SPTBN5: variants seen among roughly 807,000 people sequenced by gnomAD.
The protein encoded by SPTBN5 is spectrin beta, non-erythrocytic 5, also known as spectrin beta chain, non-erythrocytic 5.
SPTBN5 carries 513 observed loss-of-function variants against 477.6 expected under a neutral mutation model. The ratio of observed to expected loss-of-function variants is 1.07; its 90% CI spans 1.00 to 1.16. The LOEUF (loss-of-function observed/expected upper bound fraction) is 1.16. Ranked by LOEUF, SPTBN5 falls within the 50% of genes most tolerant of loss-of-function variation. SPTBN5 has a pLI of 0.00. For synonymous variants in SPTBN5, 2,169 were observed against 2,011.7 expected (o/e 1.08, Z -2.09); for missense variants, 5,062 against 4,731.8 (o/e 1.07, Z -2.05).
In SPTBN5 at chr15:41,853,407, C is replaced by T. The variant is rs1291126241; in HGVS notation, c.10021G>A (p.Glu3341Lys). Residue 3341 changes from glutamate (E) to lysine (K), a missense_variant, in exon 59 of 68, where the codon GAG (glutamate) becomes AAG (lysine). By Grantham distance (56) the Glu-to-Lys change is moderately conservative. Transcript: ENST00000320955. ...GCCCCCGCCACGTCCTCAGCCAGCTCCTCGGAGGACGCCAGCTCCTGCCTC... is the reference window on the plus strand; with the variant it reads ...GCCCCCGCCACGTCCTCAGCCAGCTTCTCGGAGGACGCCAGCTCCTGCCTC... ...QERQELASSE[E>K]LAEDVAGAEQ... is the part of the protein sequence containing the mutation. The T allele has an allele frequency of 1.2e-6, 2 of 1,600,904 alleles. No homozygotes were observed. Among genetic ancestry groups the T allele is most frequent in the African/African-American group, 2.7e-5 (2 of 74,738 alleles).
intron 47 of SPTBN5, among the ~76,000 whole-genome samples, chr15:41,859,981 G>A (rs544135280): frequency 2.0e-5 from 3 of 152,304 alleles, no homozygotes; most frequent in Admixed American, 1.3e-4. Flanking sequence ...AAAGTCTGAG[G>A]AGCTGCATGA....
At chr15:41,883,795 T>A (rs2067059544) in intron 7 of SPTBN5, among the ~76,000 whole-genome samples, 1 of 134,720 alleles carries the variant, frequency 7.4e-6, no homozygotes, top group Non-Finnish European at 1.5e-5. Context: ...ACTAAAATCT[T>A]TTTTTTTTTC....
intron 21 of SPTBN5, 128 bp from the exon 22 acceptor site, chr15:41,875,750 G>T: frequency 3.0e-6 from 3 of 994,292 alleles, no homozygotes; most frequent in Non-Finnish European, 4.3e-6. Flanking sequence ...GGGCTGCCTG[G>T]AAGAAAGCAG....
chr15:41,875,499 G>A lies in SPTBN5; in HGVS notation c.4246C>T (p.Gln1416Ter), dbSNP rs750946001. The A allele has an allele frequency of 1.2e-6, 2 of 1,612,634 alleles. No individual in the cohort carries two copies. Among genetic ancestry groups the A allele is most frequent in the Admixed American group, 1.7e-5 (1 of 59,884 alleles). Residue 1416 changes from glutamine (Q) to a stop codon, truncating the protein, a stop_gained, in exon 22 of 68, where the codon CAG (glutamine) becomes TAG (stop). Coordinates refer to ENST00000320955, the MANE Select transcript of SPTBN5 (RefSeq NM_016642.4). LOFTEE classifies it high-confidence loss of function. ...AGTTGCTCCTGCTGTCCAGCCTGCTGGAGCTCGTCCCCACGCTCAGTCATC... is the reference window on the plus strand; with the variant it reads ...AGTTGCTCCTGCTGTCCAGCCTGCTAGAGCTCGTCCCCACGCTCAGTCATC... ...RKMTERGDEL[Q>*]QAGQQEQLLR...
chr15:41,871,993 C>T (rs2066557737), intron 27 of SPTBN5, 76 bp from the exon 28 acceptor site: 1 of 1,438,422 alleles, frequency 7.0e-7, no homozygotes, highest in Admixed American at 2.7e-5. Context: ...GCCAGAGGGG[C>T]CAATCTGAAA....
In SPTBN5 at chr15:41,869,830, G is replaced by A. The variant is rs1307270445; in HGVS notation, c.5853+11C>T. 1.3e-6 allele frequency: 2 copies of A among 1,548,300 alleles called. No homozygotes were observed. Among genetic ancestry groups the A allele is most frequent in the South Asian group, 2.4e-5 (2 of 84,128 alleles). On this transcript the variant is annotated intron_variant, in intron 32 of 67. Transcript: ENST00000320955. ...GCACACACACACCACCCAAAGGGCA[G>A]GAGCCCTCACCGCCGTGCGGAAGCG...
rs1234433393 is a variant in SPTBN5, at chr15:41,877,197, C to T, written c.3630G>A (p.Leu1210=). 7 of 1,613,898 alleles carry T rather than the reference C, an allele frequency of 4.3e-6. No individual in the cohort carries two copies. In the Admixed American group the frequency reaches 1.0e-4, roughly 23 times the overall value. ...RQQWLQEGLE[L]QKFGREVDGF... ...CATCCACTTCTCGGCCAAACTTCTG[C>T]AGCTCCAGCCCCTCTTGCAGCCACT... is the stretch of plus-strand genomic sequence containing the variant. Residue 1210 remains leucine (L), a synonymous_variant, in exon 18 of 68, where the codon CTG becomes CTA. Coordinates refer to ENST00000320955, the MANE Select transcript of SPTBN5 (RefSeq NM_016642.4).
intron 2 of SPTBN5, 95 bp from the exon 3 acceptor site, chr15:41,893,156 G>T: frequency 6.4e-7 from 1 of 1,567,002 alleles, no homozygotes; most frequent in South Asian, 1.1e-5. Flanking sequence ...CAGCTGCTTT[G>T]GAAGAAGGAG....
In SPTBN5 at chr15:41,856,657, T is replaced by C. The variant is rs148924787; in HGVS notation, c.8809-59A>G. On this transcript the variant is annotated intron_variant, in intron 52 of 67. Coordinates refer to ENST00000320955, the MANE Select transcript of SPTBN5 (RefSeq NM_016642.4). ...GCTGACCCTTGGGGGACTCCCACAG[T>C]TGTGCTTGAAGTTTCACGGGACCCC... 2.0e-6 allele frequency: 3 copies of C among 1,473,880 alleles called. No homozygotes were observed. In the African/African-American group the frequency reaches 4.2e-5, roughly 21 times the overall value. The allele number at this position is 1,473,880 out of a possible 1,614,324, so 91.3% of individuals were successfully genotyped here.
Position 41,875,600 on chromosome 15 carries a change from C to T in SPTBN5, c.4145G>A (p.Arg1382Lys). ...LQQVGRELLS[R>K]RPCGQEDIQT... ...TATGTCCTCCTGGCCACAGGGCCTC[C>T]TACTCAACAGCTCTCTCCCAACCTG... The change falls in exon 22 of 68, where the codon AGG becomes AAG. Residue 1382 changes from arginine to lysine, a missense_variant. Physicochemically the swap from Arg to Lys is conservative, Grantham distance 26. Coordinates refer to ENST00000320955, the MANE Select transcript of SPTBN5 (RefSeq NM_016642.4). The T allele has an allele frequency of 6.3e-7, 1 of 1,596,360 alleles. No homozygotes were observed. The highest frequency in any genetic ancestry group is 2.3e-5 in the East Asian group (1 of 44,138).
In SPTBN5 at chr15:41,852,775, G is replaced by T. The variant is rs551394439; in HGVS notation, c.10348-40C>A. On this transcript the variant is annotated intron_variant, in intron 60 of 67. Coordinates refer to ENST00000320955, the MANE Select transcript of SPTBN5 (RefSeq NM_016642.4). ...GTTCAGGTGACGCCCAGCTTGGGGG[G>T]GGGGGCCCAGAGCCTGGTAGCCAGC... The T allele has an allele frequency of 5.0e-5, 81 of 1,611,306 alleles. 1 individual carries two copies. In the South Asian group the frequency reaches 6.5e-4, roughly 13 times the overall value.
At chr15:41,875,287 C>T (rs12902949) in intron 22 of SPTBN5, among the ~76,000 whole-genome samples, 171 bp downstream of exon 22, 35,979 of 152,170 alleles carry the variant, frequency 0.24, 4,910 homozygotes, top group Middle Eastern at 0.44. Context: ...AGGAGAGAAT[C>T]CTGCATTGGC....
In SPTBN5 at chr15:41,851,816, A is replaced by G. The variant is rs1197589331; in HGVS notation, c.10619T>C (p.Leu3540Ser). The part of the protein sequence containing the change: ...AKGTPTMEGS[L>S]EFKQHLLPGG... The stretch of plus-strand genomic sequence containing the variant: ...AGGCAGCAGGTGCTGCTTGAACTCC[A>G]AAGACCCCTCCATGGTGGGGGTACC... The change falls in exon 63 of 68, where the codon TTG (leucine) becomes TCG (serine). Residue 3540 changes from leucine to serine, a missense_variant. Physicochemically the swap from Leu to Ser is moderately radical, Grantham distance 145. Transcript: ENST00000320955. The G allele has an allele frequency of 2.5e-6, 4 of 1,610,658 alleles. No homozygotes were observed. Among genetic ancestry groups the G allele is most frequent in the Non-Finnish European group, 3.4e-6 (4 of 1,179,532 alleles).
intron 5 of SPTBN5, 135 bp downstream of exon 5, chr15:41,887,793 T>C: frequency 1.1e-6 from 1 of 923,412 alleles, no homozygotes; most frequent in Non-Finnish European, 1.6e-6. Flanking sequence ...GGCTAACCCA[T>C]CAGCCCTTTC....
At position 41,851,274 on chromosome 15, in the gene SPTBN5, G is replaced by C. The variant is rs756592995; in HGVS notation, c.10743+9C>G. ...CTGATGTCTGCATCTCCCCTACCCC[G>C]CCTGGTACCTCCGCTGCCATCCTCT... On this transcript the variant is annotated intron_variant, in intron 64 of 67. Coordinates refer to ENST00000320955, the MANE Select transcript of SPTBN5 (RefSeq NM_016642.4). 11 of 1,551,238 alleles carry C rather than the reference G, an allele frequency of 7.1e-6. No homozygotes were observed. Among genetic ancestry groups the C allele is most frequent in the Non-Finnish European group, 9.6e-6 (11 of 1,147,008 alleles).
At chr15:41,856,129 G>T (rs1031823467) in intron 53 of SPTBN5, among the ~76,000 whole-genome samples, 1 of 152,200 alleles carries the variant, frequency 6.6e-6, no homozygotes, top group East Asian at 1.9e-4. Flanking sequence ...AGGTATAATC[G>T]TTCAAGTGAA....
At chr15:41,856,333 C>G in intron 53 of SPTBN5, 53 bp downstream of exon 53, 1 of 1,459,430 alleles carries the variant, frequency 6.9e-7, no homozygotes, top group Non-Finnish European at 9.1e-7. Context: ...CCCAGCCGCA[C>G]TCGCCCTGTG....
At position 41,868,391 on chromosome 15, in the gene SPTBN5, G is replaced by A; in HGVS notation, c.6057+7C>T. ...GGTATGTGGGGGCACCAGGGGAGGG[G>A]GCCCACCTCCTTGGTGGGTGTCCCT... is the stretch of plus-strand genomic sequence containing the variant. On this transcript the variant is annotated splice_region_variant and intron_variant, in intron 33 of 67. Coordinates refer to ENST00000320955, the MANE Select transcript of SPTBN5 (RefSeq NM_016642.4). The A allele has an allele frequency of 1.3e-6, 2 of 1,596,380 alleles. No homozygotes were observed. Among genetic ancestry groups the A allele is most frequent in the East Asian group, 2.2e-5 (1 of 44,478 alleles).
chr15:41,882,798 TC>T, intron 9 of SPTBN5, 60 bp from the exon 10 acceptor site: 1 of 1,563,992 alleles, frequency 6.4e-7, no homozygotes, highest in South Asian at 1.2e-5. Flanking sequence ...GGCAGTGGGT[TC>T]CCCTCCGGGT....
Sources: allele counts gnomAD v4.1 joint callset (sites outside exome capture counted in the v4.1 genomes callset), GRCh38; gene constraint gnomAD v4.1.1; transcripts MANE v1.5; gene names NCBI Gene and HGNC (gene_info 2026-07-23, HGNC 2026-07-21).